The following SYN3 variants were observed in gnomAD, a reference collection of about 807,000 sequenced individuals.
SYN3 encodes the protein synapsin III.
SYN3 carries 35 observed loss-of-function variants against 65.8 expected under a neutral mutation model. That is an observed-to-expected ratio of 0.53 (90% CI 0.41 to 0.70). SYN3 has a LOEUF of 0.70. SYN3 is among the 30% of genes least tolerant of loss of function. SYN3 has a pLI of 0.00. For missense variants in SYN3, 680 were observed against 749.0 expected (o/e 0.91, Z 1.08); for synonymous variants, 270 against 292.9 (o/e 0.92, Z 0.80).
rs1341430669 is a variant in SYN3, at chr22:32,698,102, G to A, written c.712-101366C>T. On this transcript the variant is annotated intron_variant, in intron 6 of 13. Coordinates refer to ENST00000358763, the MANE Select transcript of SYN3 (RefSeq NM_003490.4). Reference sequence around the variant, plus strand: ...ACACTTATTGTTTGTTGTATGTAGAGGTTTGGGGGTTGTTGGTTAAACACT... The same window carrying A: ...ACACTTATTGTTTGTTGTATGTAGAAGTTTGGGGGTTGTTGGTTAAACACT... Among the ~76,000 whole-genome samples the A allele has an allele frequency of 2.6e-5, 4 of 152,248 alleles. 1 individual carries two copies. The highest frequency in any genetic ancestry group is 4.1e-4 in the South Asian group (2 of 4,826).
chr22:32,955,498 T>C (rs569591892), intron 3 of SYN3, among the ~76,000 whole-genome samples: 2 of 152,314 alleles, frequency 1.3e-5, no homozygotes, highest in South Asian at 4.1e-4. Context: ...TTGCTTGATA[T>C]TTTAAAGATT....
intron 6 of SYN3, among the ~76,000 whole-genome samples, chr22:32,668,003 C>T (rs2060313719): frequency 6.6e-6 from 1 of 151,462 alleles, no homozygotes; most frequent in Non-Finnish European, 1.5e-5. Flanking sequence ...ACCCTGTTAG[C>T]CAGGATGGTC....
chr22:32,640,005 A>C (rs1418489838), intron 6 of SYN3, among the ~76,000 whole-genome samples: 1 of 152,170 alleles, frequency 6.6e-6, no homozygotes, highest in African/African-American at 2.4e-5. Flanking sequence ...TCTTCAATCC[A>C]TATGTTCTAG....
At chr22:32,759,535 C>T (rs999749350) in intron 6 of SYN3, among the ~76,000 whole-genome samples, 20 of 152,222 alleles carry the variant, frequency 1.3e-4, no homozygotes, top group African/African-American at 4.1e-4. Context: ...TTCTTCCAAC[C>T]TTGAGATCTG....
intron 6 of SYN3, among the ~76,000 whole-genome samples, chr22:32,780,054 G>C: frequency 5.9e-5 from 1 of 16,936 alleles, no homozygotes; most frequent in East Asian, 2.3e-3. Context: ...GGGTGACAGA[G>C]TGAGATTCTG....
chr22:32,532,203 GAATA>G (rs2058085643), intron 10 of SYN3, among the ~76,000 whole-genome samples: 1 of 152,286 alleles, frequency 6.6e-6, no homozygotes, highest in African/African-American at 2.4e-5. Flanking sequence ...GCGGCTCAGT[GAATA>G]AACAAATGAG....
intron 7 of SYN3, among the ~76,000 whole-genome samples, chr22:32,552,471 G>A (rs992623027): frequency 5.4e-5 from 8 of 148,968 alleles, no homozygotes; most frequent in Non-Finnish European, 1.0e-4. Flanking sequence ...GGTACATGGG[G>A]TTCCAGTTTA....
intron 6 of SYN3, among the ~76,000 whole-genome samples, chr22:32,818,229 G>A (rs949705014): frequency 3.9e-5 from 6 of 152,212 alleles, no homozygotes; most frequent in Admixed American, 3.9e-4. Flanking sequence ...TTTTGCAGTA[G>A]TCTACAGGAT....
chr22:32,661,427 C>T (rs2060214870), intron 6 of SYN3, among the ~76,000 whole-genome samples: 4 of 152,386 alleles, frequency 2.6e-5, no homozygotes, highest in African/African-American at 9.6e-5. Context: ...GGCGGCCCGC[C>T]GTGACTCACA....
intron 6 of SYN3, among the ~76,000 whole-genome samples, chr22:32,787,097 G>A (rs1201874031): frequency 6.9e-6 from 1 of 143,928 alleles, no homozygotes; most frequent in African/African-American, 2.6e-5. Flanking sequence ...ACCCAGGCTA[G>A]AGTGCAGTGA....
intron 2 of SYN3, among the ~76,000 whole-genome samples, chr22:32,999,637 T>C (rs552978594): frequency 3.3e-5 from 5 of 152,190 alleles, no homozygotes; most frequent in Admixed American, 6.5e-5. Flanking sequence ...GAGCTGAGAT[T>C]GCGCCATTCC....
At position 32,970,589 on chromosome 22, in the gene SYN3, G is replaced by A. The variant is rs147704194; in HGVS notation, c.369+10056C>T. Among the ~76,000 whole-genome samples, 519 of 151,422 alleles carry A rather than the reference G, an allele frequency of 3.4e-3. 2 individuals are homozygous for A. The highest frequency in any genetic ancestry group is 5.0e-3 in the Admixed American group (76 of 15,200). The stretch of plus-strand genomic sequence containing the variant: ...AAAAAAGGTAAAGACGGAGAGCTAC[G>A]TTTAAAGACAATAATGAACATCAGC... On this transcript the variant is annotated intron_variant, in intron 3 of 13. Transcript: ENST00000358763.
At chr22:32,880,562 C>T (rs954623105) in intron 4 of SYN3, among the ~76,000 whole-genome samples, 1 of 152,130 alleles carries the variant, frequency 6.6e-6, no homozygotes, top group Non-Finnish European at 1.5e-5. Flanking sequence ...TTTACCCTCT[C>T]AGCCGTCTCA....
chr22:32,594,450 C>G (rs997205718), intron 7 of SYN3, among the ~76,000 whole-genome samples: 2 of 152,032 alleles, frequency 1.3e-5, no homozygotes, highest in Non-Finnish European at 2.9e-5. Flanking sequence ...TGGGTCATGC[C>G]CTGATCTGCC....
chr22:32,597,754 T>G (rs1712450864), intron 6 of SYN3, among the ~76,000 whole-genome samples: 1 of 152,100 alleles, frequency 6.6e-6, no homozygotes, highest in African/African-American at 2.4e-5. Flanking sequence ...CACCCCCAGC[T>G]CCTAGAACAC....
intron 5 of SYN3, among the ~76,000 whole-genome samples, chr22:32,868,743 G>C (rs1281035634): frequency 6.6e-6 from 1 of 151,982 alleles, no homozygotes; most frequent in African/African-American, 2.4e-5. Context: ...AAGCCACCGT[G>C]CCCGGCCTAT....
chr22:32,949,448 T>A (rs938992621), intron 3 of SYN3, among the ~76,000 whole-genome samples: 1 of 151,834 alleles, frequency 6.6e-6, no homozygotes, highest in Non-Finnish European at 1.5e-5. Context: ...TTTGGAGTAT[T>A]CTGGATTTTG....
At chr22:32,736,407 T>C (rs1436229232) in intron 6 of SYN3, among the ~76,000 whole-genome samples, 2 of 152,242 alleles carry the variant, frequency 1.3e-5, no homozygotes, top group Non-Finnish European at 2.9e-5. Flanking sequence ...TGTTGCTGCT[T>C]GTATCAACAG....
In SYN3 at chr22:32,696,909, C is replaced by G. The variant is rs141372427; in HGVS notation, c.712-100173G>C. On this transcript the variant is annotated intron_variant, in intron 6 of 13. Coordinates refer to ENST00000358763, the MANE Select transcript of SYN3 (RefSeq NM_003490.4). Reference sequence around the variant, plus strand: ...CCTCTCCCCAGAATGAAATTTCATTCTAGCTTTGCCTGTGGTGCAGCCTGC... The same window carrying G: ...CCTCTCCCCAGAATGAAATTTCATTGTAGCTTTGCCTGTGGTGCAGCCTGC... Among the ~76,000 whole-genome samples the G allele has an allele frequency of 1.4e-3, 211 of 152,304 alleles. 2 individuals are homozygous for G. Among genetic ancestry groups the G allele is most frequent in the African/African-American group, 4.8e-3 (200 of 41,582 alleles).
Sources: gnomAD v4.1 joint callset for allele counts (sites outside exome capture counted in the v4.1 genomes callset) on GRCh38, gnomAD v4.1.1 for gene constraint, MANE v1.5 for transcripts, NCBI Gene and HGNC (gene_info 2026-07-23, HGNC 2026-07-21) for gene names.